The following PMFBP1 variants were observed in gnomAD, a reference collection of about 807,000 sequenced individuals.
PMFBP1 encodes polyamine-modulated factor 1-binding protein 1.
PMFBP1 carries 131 observed loss-of-function variants against 137.8 expected under a neutral mutation model. That is an observed-to-expected ratio of 0.95 (90% CI 0.82 to 1.10). PMFBP1 has a LOEUF of 1.10. Ranked by LOEUF, PMFBP1 falls within the 50% of genes least tolerant of loss-of-function variation. PMFBP1 has a pLI of 0.00. For synonymous variants in PMFBP1, 490 were observed against 450.4 expected, an observed-to-expected ratio of 1.09 and a Z score of -1.11; for missense variants, 1,199 against 1,175.4, an observed-to-expected ratio of 1.02 and a Z score of -0.29.
chr16:72,128,527 G>A, intron 14 of PMFBP1, 130 bp downstream of exon 14: 1 of 1,573,684 alleles, frequency 6.4e-7, no homozygotes, highest in South Asian at 1.2e-5. Flanking sequence ...TAGAGCTGTA[G>A]GTGGCCCAGG....
the PMFBP1 span, among the ~76,000 whole-genome samples, chr16:72,238,728 C>T: frequency 2.7e-4 from 41 of 152,296 alleles, no homozygotes; most frequent in African/African-American, 9.9e-4. Context: ...TAAAGATTGT[C>T]TCCAAAACAT....
At chr16:72,185,366 T>A in the PMFBP1 span, among the ~76,000 whole-genome samples, 5 of 152,050 alleles carry the variant, frequency 3.3e-5, no homozygotes, top group African/African-American at 1.2e-4. Flanking sequence ...CTTCTTTACG[T>A]TTCCCGCCAG....
the PMFBP1 span, among the ~76,000 whole-genome samples, chr16:72,195,880 C>T: frequency 1.3e-5 from 2 of 152,200 alleles, no homozygotes; most frequent in Non-Finnish European, 2.9e-5. Flanking sequence ...GTCTGCAATC[C>T]ACTCCAGAAT....
intron 2 of PMFBP1, among the ~76,000 whole-genome samples, chr16:72,170,806 A>T (rs964122735): frequency 6.6e-6 from 1 of 152,214 alleles, no homozygotes; most frequent in African/African-American, 2.4e-5. Context: ...TAAAGAGAGA[A>T]TGTTAGCAAC....
chr16:72,138,379 G>C (rs1465146090), intron 7 of PMFBP1, among the ~76,000 whole-genome samples: 2 of 152,202 alleles, frequency 1.3e-5, no homozygotes, highest in African/African-American at 4.8e-5. Context: ...GTGCAGGCAT[G>C]CCAGCACCTG....
upstream of PMFBP1, among the ~76,000 whole-genome samples, chr16:72,180,714 C>A (rs11075924): frequency 0.56 from 85,009 of 151,718 alleles, 24,963 homozygotes; most frequent in African/African-American, 0.74. Context: ...GTTGTAGTAA[C>A]CGTGAACAAA....
chr16:72,140,884 T>A (rs983409210), intron 5 of PMFBP1, among the ~76,000 whole-genome samples: 2 of 151,674 alleles, frequency 1.3e-5, no homozygotes, highest in South Asian at 4.1e-4. Context: ...GAATATTTTA[T>A]GCATATTTGC....
chr16:72,157,476 G>GT (rs1446469769), intron 3 of PMFBP1, among the ~76,000 whole-genome samples: 1 of 152,142 alleles, frequency 6.6e-6, no homozygotes, highest in Non-Finnish European at 1.5e-5. Flanking sequence ...GATGGCCTTG[G>GT]AGGTGGAAGC....
At chr16:72,195,800 T>C in the PMFBP1 span, among the ~76,000 whole-genome samples, 2 of 152,256 alleles carry the variant, frequency 1.3e-5, no homozygotes. Flanking sequence ...GGCTGCGGCC[T>C]GAGCTAGGCT....
At chr16:72,138,885 C>T (rs901884858) in intron 7 of PMFBP1, among the ~76,000 whole-genome samples, 1 of 141,536 alleles carries the variant, frequency 7.1e-6, no homozygotes, top group Admixed American at 7.2e-5. Flanking sequence ...TTTGATACTG[C>T]TTTGAATTTT....
chr16:72,119,272 G>A lies in PMFBP1; in HGVS notation c.*66C>T. 2 of 1,534,268 alleles carry A rather than the reference G, an allele frequency of 1.3e-6. No homozygotes were observed. The highest frequency in any genetic ancestry group is 1.1e-5 in the South Asian group (1 of 89,336). On this transcript the variant is annotated 3_prime_UTR_variant, in exon 21 of 21. Transcript: ENST00000237353. ...CTGATCCAGGTCAAGAGAGAGGGAG[G>A]GCTGGGAACTCACTGTCCTCTGAAG... is the stretch of plus-strand genomic sequence containing the variant.
At chr16:72,203,561 G>T in the PMFBP1 span, among the ~76,000 whole-genome samples, 1 of 152,096 alleles carries the variant, frequency 6.6e-6, no homozygotes, top group Admixed American at 6.5e-5. Flanking sequence ...ATGTTTTCTG[G>T]GGCTGCTGTT....
intron 2 of PMFBP1, among the ~76,000 whole-genome samples, chr16:72,167,945 C>T (rs2043169025): frequency 6.6e-6 from 1 of 152,196 alleles, no homozygotes; most frequent in Non-Finnish European, 1.5e-5. Flanking sequence ...TATCCTTTCT[C>T]CCTCCAGTTT....
chr16:72,177,534 T>A (rs1039389603), upstream of PMFBP1, among the ~76,000 whole-genome samples: 3 of 152,216 alleles, frequency 2.0e-5, no homozygotes, highest in African/African-American at 7.2e-5. Flanking sequence ...GAAATAATTT[T>A]AGATTTCCAG....
At chr16:72,211,580 G>T in the PMFBP1 span, among the ~76,000 whole-genome samples, 1 of 151,928 alleles carries the variant, frequency 6.6e-6, no homozygotes, top group Non-Finnish European at 1.5e-5. Flanking sequence ...ATAATGCAGA[G>T]AACAGAAAAT....
chr16:72,196,387 C>T, the PMFBP1 span, among the ~76,000 whole-genome samples: 1 of 152,238 alleles, frequency 6.6e-6, no homozygotes, highest in East Asian at 1.9e-4. Flanking sequence ...CTTCTCTGGC[C>T]AGGTTTTTTT....
intron 3 of PMFBP1, among the ~76,000 whole-genome samples, chr16:72,159,844 T>G (rs1382430508): frequency 6.6e-6 from 1 of 152,204 alleles, no homozygotes; most frequent in East Asian, 1.9e-4. Flanking sequence ...CACAGATATT[T>G]TATTAAGAGT....
the PMFBP1 span, among the ~76,000 whole-genome samples, chr16:72,194,146 A>G: frequency 6.6e-6 from 1 of 152,162 alleles, no homozygotes; most frequent in East Asian, 1.9e-4. Flanking sequence ...GCTGATTTAC[A>G]TATTGTACCA....
At position 72,125,088 on chromosome 16, in the gene PMFBP1, G is replaced by C. The variant is rs920733730; in HGVS notation, c.2421+150C>G. The C allele has an allele frequency of 2.2e-6, 3 of 1,372,692 alleles. No individual in the cohort carries two copies. The African/African-American group carries it at 4.4e-5, about 20-fold the overall frequency. The allele number at this position is 1,372,692 out of a possible 1,614,324, so 85.0% of individuals were successfully genotyped here. A position where few individuals can be genotyped will look rare whatever the true frequency, so the allele number is the denominator to read the frequency against. On this transcript the variant is annotated intron_variant, in intron 16 of 20. Coordinates refer to ENST00000237353, the MANE Select transcript of PMFBP1 (RefSeq NM_031293.3). ...AGAGGGCACCCATGCTCCGATCTTT[G>C]CTGCCTCTGTCTGAAGTTCAGGGAG...
Sources: gnomAD v4.1 joint callset for allele counts (sites outside exome capture counted in the v4.1 genomes callset) on GRCh38, gnomAD v4.1.1 for gene constraint, MANE v1.5 for transcripts, NCBI Gene and HGNC (gene_info 2026-07-23, HGNC 2026-07-21) for gene names.